Variants in CAMTA1 observed in about 807,000 individuals in gnomAD.
CAMTA1 encodes calmodulin binding transcription activator 1.
Under a neutral mutation model 170.9 loss-of-function variants are expected in CAMTA1, and 27 were observed. The observed-to-expected ratio is 0.16, with a 90% confidence interval of 0.12 to 0.22. CAMTA1 has a LOEUF of 0.22. Ranked by LOEUF, CAMTA1 falls within the 10% of genes least tolerant of loss-of-function variation. The probability of loss-of-function intolerance (pLI) is 1.00; values close to 1 mark genes in which losing one functional copy is unlikely to be tolerated. For missense variants in CAMTA1, 1,619 were observed against 2,217.2 expected (o/e 0.73, Z 5.42); for synonymous variants, 833 against 891.5 (o/e 0.93, Z 1.17).
intron 5 of CAMTA1, among the ~76,000 whole-genome samples, chr1:7,364,009 G>A (rs912976772): frequency 1.4e-4 from 21 of 152,256 alleles, no homozygotes; most frequent in African/African-American, 4.3e-4. Flanking sequence ...TTACAGAGAG[G>A]GACTGAGGTC....
At chr1:7,524,208 C>T (rs753443688) in intron 6 of CAMTA1, among the ~76,000 whole-genome samples, 53 of 152,104 alleles carry the variant, frequency 3.5e-4, no homozygotes, top group South Asian at 6.2e-4. Context: ...ACTCTGTCTC[C>T]ACACACACAA....
At chr1:6,954,735 C>T (rs1174491256) in intron 3 of CAMTA1, among the ~76,000 whole-genome samples, 1 of 152,168 alleles carries the variant, frequency 6.6e-6, no homozygotes, top group Non-Finnish European at 1.5e-5. Flanking sequence ...CTTTGAAAGC[C>T]CTGCCCCGCC....
At chr1:7,318,079 G>T (rs1400070567) in intron 5 of CAMTA1, among the ~76,000 whole-genome samples, 1 of 152,216 alleles carries the variant, frequency 6.6e-6, no homozygotes, top group Admixed American at 6.5e-5. Context: ...GGAAGATGAC[G>T]GCAAGGCTGA....
chr1:7,152,629 G>A (rs1023430912), intron 4 of CAMTA1, among the ~76,000 whole-genome samples: 3 of 152,232 alleles, frequency 2.0e-5, no homozygotes, highest in African/African-American at 7.2e-5. Flanking sequence ...GGGAGAAGGG[G>A]AGGGTGCGCA....
At chr1:7,244,475 AG>A (rs1318131350) in intron 4 of CAMTA1, among the ~76,000 whole-genome samples, 1 of 152,238 alleles carries the variant, frequency 6.6e-6, no homozygotes, top group African/African-American at 2.4e-5. Flanking sequence ...ACAATAGCAA[AG>A]ACTTGGAACC....
At chr1:7,444,780 T>C (rs2092636724) in intron 5 of CAMTA1, among the ~76,000 whole-genome samples, 1 of 152,186 alleles carries the variant, frequency 6.6e-6, no homozygotes, top group Non-Finnish European at 1.5e-5. Flanking sequence ...GACATAGAAA[T>C]GGGGGTTTCC....
chr1:6,950,562 CCAAT>C lies in CAMTA1; in HGVS notation c.234+125355_234+125358del, dbSNP rs145689747. Among the ~76,000 whole-genome samples the C allele has an allele frequency of 3.2e-4, 49 of 152,206 alleles. 1 individual carries two copies. The highest frequency in any genetic ancestry group is 3.4e-3 in the Middle Eastern group (1 of 294). ...CCACATGCTCACTGCAGGTGGGTGG[CCAAT>C]CAGAGACCTGGCTGATGGAGTATTG... On this transcript the variant is annotated intron_variant, in intron 3 of 22. Transcript: ENST00000303635.
chr1:7,651,483 G>A (rs1389766744), intron 7 of CAMTA1, among the ~76,000 whole-genome samples: 1 of 152,262 alleles, frequency 6.6e-6, no homozygotes, highest in African/African-American at 2.4e-5. Flanking sequence ...CAGGTAGCTG[G>A]TTCTCACCCG....
intron 3 of CAMTA1, among the ~76,000 whole-genome samples, chr1:6,881,483 C>T (rs900883795): frequency 6.6e-6 from 1 of 151,996 alleles, no homozygotes; most frequent in Non-Finnish European, 1.5e-5. Context: ...TTGGCAATGG[C>T]GAGAGAGAAG....
chr1:7,480,117 G>GTA (rs1253883170), intron 6 of CAMTA1, among the ~76,000 whole-genome samples: 4 of 149,998 alleles, frequency 2.7e-5, no homozygotes, highest in Admixed American at 1.3e-4. Context: ...GCGTGTGTGT[G>GTA]TGTGTGAGTA....
chr1:7,634,844 C>T lies in CAMTA1; in HGVS notation c.511-5556C>T, dbSNP rs978649598. Among the ~76,000 whole-genome samples, 6 of 152,110 alleles carry T rather than the reference C, an allele frequency of 3.9e-5. No individual in the cohort carries two copies. Among genetic ancestry groups the T allele is most frequent in the Admixed American group, 1.3e-4 (2 of 15,274 alleles). The stretch of plus-strand genomic sequence containing the variant: ...AGAGCGGGGCCTCTGTCTCTCCTGA[C>T]GACATTCCAGCTGTTCCGAGGCCTG... On this transcript the variant is annotated intron_variant, in intron 6 of 22. Transcript: ENST00000303635. The surrounding 1 kb of genome is among the most constrained non-coding windows in gnomAD (Gnocchi z 6.2).
At chr1:7,617,692 CA>C (rs1358192667) in intron 6 of CAMTA1, among the ~76,000 whole-genome samples, 28 of 129,428 alleles carry the variant, frequency 2.2e-4, no homozygotes, top group African/African-American at 8.0e-4. Context: ...CATGCACACC[CA>C]CCCCCCCACC....
Position 6,941,808 on chromosome 1 carries a change from C to A in CAMTA1, c.234+116598C>A, listed in dbSNP as rs765868282. 5.7e-3 allele frequency among the ~76,000 whole-genome samples: 867 copies of A among 152,352 alleles called. 5 individuals carry two copies. The highest frequency in any genetic ancestry group is 7.1e-3 in the Non-Finnish European group (485 of 68,034). On this transcript the variant is annotated intron_variant, in intron 3 of 22. Coordinates refer to ENST00000303635, the MANE Select transcript of CAMTA1 (RefSeq NM_015215.4). ...CTGCAGTTCTGCTCCTGTGCCCAGCCAGCAGTGCCTGGGATGGGCTAGAAG... is the reference window on the plus strand; with the variant it reads ...CTGCAGTTCTGCTCCTGTGCCCAGCAAGCAGTGCCTGGGATGGGCTAGAAG...
At chr1:7,511,603 C>T (rs2094202582) in intron 6 of CAMTA1, among the ~76,000 whole-genome samples, 1 of 152,116 alleles carries the variant, frequency 6.6e-6, no homozygotes, top group South Asian at 2.1e-4. Context: ...TCCCGGGGTC[C>T]AGCAGAAGGG....
intron 3 of CAMTA1, among the ~76,000 whole-genome samples, chr1:6,900,052 T>C (rs1180407454): frequency 6.6e-6 from 1 of 152,244 alleles, no homozygotes; most frequent in Non-Finnish European, 1.5e-5. Context: ...CCTGCAGCTC[T>C]TTGAAAAGTC....
chr1:7,254,099 G>A (rs1385557727), intron 5 of CAMTA1, among the ~76,000 whole-genome samples: 1 of 152,094 alleles, frequency 6.6e-6, no homozygotes, highest in Non-Finnish European at 1.5e-5. Context: ...AGTGGGGTGC[G>A]GTGGGAGCGG....
chr1:7,596,889 A>C (rs1436981255), intron 6 of CAMTA1, among the ~76,000 whole-genome samples: 2 of 150,110 alleles, frequency 1.3e-5, no homozygotes. Flanking sequence ...GAGTGACAAG[A>C]TGACAGACAT....
At position 7,249,643 on chromosome 1, in the gene CAMTA1, G is replaced by A. The variant is rs776781439; in HGVS notation, c.438+17G>A. 2 of 1,611,996 alleles carry A rather than the reference G, an allele frequency of 1.2e-6. No homozygotes were observed. The highest frequency in any genetic ancestry group is 1.1e-5 in the South Asian group (1 of 90,610). On this transcript the variant is annotated intron_variant, in intron 5 of 22. Coordinates refer to ENST00000303635, the MANE Select transcript of CAMTA1 (RefSeq NM_015215.4). This position sits in a 1 kb window ranked among gnomAD's most constrained non-coding sequence, Gnocchi z 4.4. ...GGAGTGGAGGTAAACAGCAGAAAAG[G>A]TTCCCTTGGTGCACAAATGTCATTT...
At chr1:7,090,733 C>T (rs544232492) in intron 3 of CAMTA1, among the ~76,000 whole-genome samples, 3 of 152,130 alleles carry the variant, frequency 2.0e-5, no homozygotes, top group South Asian at 4.2e-4. Flanking sequence ...TTGGATGTGC[C>T]GCTCACTAGA....
Sources: gnomAD v4.1 joint callset for allele counts (sites outside exome capture counted in the v4.1 genomes callset) on GRCh38, gnomAD v4.1.1 for gene constraint, Gnocchi (gnomAD v3.1) non-coding constraint, MANE v1.5 for transcripts, NCBI Gene and HGNC (gene_info 2026-07-23, HGNC 2026-07-21) for gene names.